Variants in WWOX observed in about 807,000 individuals in gnomAD.
WWOX encodes WW domain-containing oxidoreductase.
WWOX carries 69 observed loss-of-function variants against 46.2 expected under a neutral mutation model. The observed-to-expected ratio is 1.49, with a 90% CI of 1.23 to 1.82. The LOEUF is 1.82. Ranked by LOEUF, WWOX falls within the 40% of genes most tolerant of loss-of-function variation. The pLI, the probability that WWOX is intolerant of heterozygous loss-of-function variation, is 0.00. For synonymous variants in WWOX, 359 were observed against 202.6 expected (o/e 1.77, Z -6.56); for missense variants, 919 against 542.6 (o/e 1.69, Z -6.89).
chr16:79,096,082 G>A (rs2049066220), intron 8 of WWOX, among the ~76,000 whole-genome samples: 1 of 139,906 alleles, frequency 7.1e-6, no homozygotes, highest in African/African-American at 2.7e-5. Context: ...TGTCAAGGCT[G>A]GTCTAAAACT....
chr16:78,635,949 T>G (rs2046557668), intron 8 of WWOX, among the ~76,000 whole-genome samples: 1 of 152,098 alleles, frequency 6.6e-6, no homozygotes, highest in Non-Finnish European at 1.5e-5. Flanking sequence ...ACTGTGGAAG[T>G]ACAGAGGAAG....
At chr16:78,526,620 G>C (rs1485658897) in intron 8 of WWOX, 2 of 152,220 alleles carry the variant, frequency 1.3e-5, no homozygotes, top group Non-Finnish European at 2.9e-5. Context: ...TCCTAGAGCG[G>C]GTTGGGCAAG....
chr16:78,932,949 T>C (rs893321600), intron 8 of WWOX, among the ~76,000 whole-genome samples: 1 of 152,238 alleles, frequency 6.6e-6, no homozygotes, highest in African/African-American at 2.4e-5. Context: ...GCCTGCCCTC[T>C]GGTTGAAACA....
rs537418038 is a variant in WWOX at position 78,237,651 on chromosome 16, A to G, written c.516+73362A>G. On this transcript the variant is annotated intron_variant, in intron 5 of 8. Coordinates refer to ENST00000566780, the MANE Select transcript of WWOX (RefSeq NM_016373.4). The stretch of plus-strand genomic sequence containing the variant: ...CGGTACCTCTTTGGCTATGGCCTGC[A>G]GGCTCAGAATAGTTCTTACATTTTC... 4 of 152,316 alleles carry G rather than the reference A, an allele frequency of 2.6e-5. No individual in the cohort carries two copies. In the East Asian group the frequency reaches 7.7e-4, roughly 29 times the overall value. The allele number at this position is 152,316 out of a possible 1,614,324, so 9.4% of individuals were successfully genotyped here. A position where few individuals can be genotyped will look rare whatever the true frequency, so the allele number is the denominator to read the frequency against.
Position 78,303,647 on chromosome 16 carries a change from C to T in WWOX, c.517-83213C>T, listed in dbSNP as rs186718984. 2.4e-3 allele frequency among the ~76,000 whole-genome samples: 363 copies of T among 152,280 alleles called. 4 individuals are homozygous for T. The highest frequency in any genetic ancestry group is 8.2e-3 in the African/African-American group (341 of 41,540). The stretch of plus-strand genomic sequence containing the variant: ...GCAACCTCCACCTCCCGGTTTCAAG[C>T]GATTCTCATGCCTCAGACTCCTGAG... On this transcript the variant is annotated intron_variant, in intron 5 of 8. Transcript: ENST00000566780.
At chr16:78,886,549 A>T (rs1394746013) in intron 8 of WWOX, among the ~76,000 whole-genome samples, 1 of 151,462 alleles carries the variant, frequency 6.6e-6, no homozygotes, top group African/African-American at 2.4e-5. Flanking sequence ...ATTTCATCTC[A>T]CATCTAAACT....
At chr16:78,667,593 C>T (rs982100048) in intron 8 of WWOX, among the ~76,000 whole-genome samples, 8 of 147,672 alleles carry the variant, frequency 5.4e-5, no homozygotes, top group African/African-American at 2.0e-4. Context: ...ATGGCATGAA[C>T]CTGGGAGGCA....
chr16:78,719,947 T>A (rs977437342), intron 8 of WWOX, among the ~76,000 whole-genome samples: 2 of 152,236 alleles, frequency 1.3e-5, no homozygotes, highest in Non-Finnish European at 2.9e-5. Flanking sequence ...ACCAAAGTGT[T>A]CTATTCTAAG....
At chr16:79,037,534 C>T (rs565189495) in intron 8 of WWOX, among the ~76,000 whole-genome samples, 41 of 152,210 alleles carry the variant, frequency 2.7e-4, no homozygotes, top group African/African-American at 9.6e-4. Context: ...AGTCACACTG[C>T]TGATGAGTGA....
At chr16:78,855,215 C>A (rs951885944) in intron 8 of WWOX, among the ~76,000 whole-genome samples, 3 of 152,034 alleles carry the variant, frequency 2.0e-5, no homozygotes, top group African/African-American at 7.2e-5. Flanking sequence ...CAGGTTTGAC[C>A]TACAAAGTCT....
chr16:78,313,105 A>T (rs570891234), intron 5 of WWOX, among the ~76,000 whole-genome samples: 1 of 152,354 alleles, frequency 6.6e-6, no homozygotes, highest in Admixed American at 6.5e-5. Flanking sequence ...TCTAAAGAAT[A>T]ACAGGAAAAT....
intron 8 of WWOX, among the ~76,000 whole-genome samples, chr16:78,860,794 C>G (rs79695127): frequency 0.063 from 9,616 of 152,144 alleles, 320 homozygotes; most frequent in African/African-American, 0.091. Flanking sequence ...TTAAAATGAT[C>G]CAGCTTAGCT....
At chr16:79,099,228 A>G (rs1341768841) in intron 8 of WWOX, among the ~76,000 whole-genome samples, 1 of 152,214 alleles carries the variant, frequency 6.6e-6, no homozygotes. Flanking sequence ...ACCTCCCGGT[A>G]GGCTCCATCT....
At chr16:78,923,252 A>G (rs13336781) in intron 8 of WWOX, among the ~76,000 whole-genome samples, 33,385 of 152,012 alleles carry the variant, frequency 0.22, 3,867 homozygotes, top group East Asian at 0.31. Context: ...AAGCACTGGG[A>G]TTACAGGCTT....
intron 8 of WWOX, among the ~76,000 whole-genome samples, chr16:78,986,879 A>G (rs1172154953): frequency 6.6e-6 from 1 of 152,068 alleles, no homozygotes; most frequent in African/African-American, 2.4e-5. Flanking sequence ...GAGTTTCAGG[A>G]TGCGCAAGAG....
chr16:78,723,578 T>C (rs2048746351), intron 8 of WWOX, among the ~76,000 whole-genome samples: 1 of 49,564 alleles, frequency 2.0e-5, no homozygotes, highest in African/African-American at 1.1e-4. Context: ...TTTTCTTTTC[T>C]TTTCTTTTCT....
At chr16:78,956,518 A>T (rs2046170075) in intron 8 of WWOX, among the ~76,000 whole-genome samples, 1 of 152,192 alleles carries the variant, frequency 6.6e-6, no homozygotes, top group African/African-American at 2.4e-5. Flanking sequence ...CTATAGGTTC[A>T]TTAGGTTCAC....
intron 8 of WWOX, among the ~76,000 whole-genome samples, chr16:78,733,104 T>C (rs1282219944): frequency 1.3e-5 from 2 of 152,196 alleles, no homozygotes; most frequent in East Asian, 1.9e-4. Flanking sequence ...TCCCATTTGC[T>C]CCGCTGTTAC....
At chr16:78,601,220 A>T (rs979999202) in intron 8 of WWOX, among the ~76,000 whole-genome samples, 8 of 152,118 alleles carry the variant, frequency 5.3e-5, no homozygotes, top group African/African-American at 1.9e-4. Flanking sequence ...CTTCAGTGCC[A>T]CCTGCCTTAT....
Sources: gnomAD v4.1 joint callset for allele counts (sites outside exome capture counted in the v4.1 genomes callset) on GRCh38, gnomAD v4.1.1 for gene constraint, MANE v1.5 for transcripts, NCBI Gene and HGNC (gene_info 2026-07-23, HGNC 2026-07-21) for gene names.